The following PUM1 variants were observed in gnomAD, a reference collection of about 807,000 sequenced individuals.
PUM1 encodes pumilio homolog 1.
A neutral mutation model predicts 131.8 loss-of-function variants in PUM1; 13 were observed. The observed-to-expected ratio is 0.10, with a 90% CI of 0.06 to 0.16. PUM1 has a LOEUF of 0.16. Ranked by LOEUF, PUM1 falls within the 10% of genes least tolerant of loss-of-function variation. PUM1 has a pLI of 1.00. For synonymous variants in PUM1, 509 were observed against 556.5 expected, an observed-to-expected ratio of 0.91 and a Z score of 1.20; for missense variants, 961 against 1,512.4, an observed-to-expected ratio of 0.64 and a Z score of 6.05.
chr1:31,041,899 C>T (rs372978297), intron 2 of PUM1, among the ~76,000 whole-genome samples: 18 of 152,142 alleles, frequency 1.2e-4, no homozygotes, highest in African/African-American at 4.3e-4. Flanking sequence ...TAAAAATGTG[C>T]ATACAGTACT....
At chr1:30,942,653 C>G (rs1336195183) in intron 18 of PUM1, among the ~76,000 whole-genome samples, 1 of 152,148 alleles carries the variant, frequency 6.6e-6, no homozygotes, top group Non-Finnish European at 1.5e-5. Context: ...TTCTGCCCTT[C>G]CTAGCTTAGT....
intron 3 of PUM1, among the ~76,000 whole-genome samples, chr1:31,017,638 T>C (rs1247410408): frequency 6.6e-6 from 1 of 151,972 alleles, no homozygotes; most frequent in Non-Finnish European, 1.5e-5. Context: ...CAACCCTGAT[T>C]TAGAGTGAGT....
intron 2 of PUM1, among the ~76,000 whole-genome samples, chr1:31,030,653 G>A (rs1027577698): frequency 6.6e-6 from 1 of 151,960 alleles, no homozygotes; most frequent in Non-Finnish European, 1.5e-5. Context: ...CGAGGCTGCA[G>A]TCAGCAGAAA....
chr1:30,988,218 A>AT (rs1360662694), intron 7 of PUM1, among the ~76,000 whole-genome samples: 3 of 152,206 alleles, frequency 2.0e-5, no homozygotes, highest in Admixed American at 2.0e-4. Flanking sequence ...ATTCAGAGTG[A>AT]TTAACAGTGA....
chr1:30,955,374 G>A (rs1415465096), intron 14 of PUM1, among the ~76,000 whole-genome samples: 1 of 150,782 alleles, frequency 6.6e-6, no homozygotes, highest in African/African-American at 2.4e-5. Flanking sequence ...GGCTGAGGCA[G>A]GAGAATGGCG....
In PUM1 at chr1:31,033,376, CTTTTTTTT is replaced by C. The variant is rs748444500; in HGVS notation, c.364-4520_364-4513del. Among the ~76,000 whole-genome samples the C allele has an allele frequency of 8.8e-5, 9 of 102,556 alleles. No homozygotes were observed. In the South Asian group the frequency reaches 1.2e-3, roughly 14 times the overall value. The allele number at this position is 102,556 out of a possible 152,430, so 67.3% of individuals were successfully genotyped here. A position where few individuals can be genotyped will look rare whatever the true frequency, so the allele number is the denominator to read the frequency against. On this transcript the variant is annotated intron_variant, in intron 2 of 21. Transcript: ENST00000426105. ...TGTGCCACCACATCCAGCTAATTTT[CTTTTTTTT>C]TTTTTTTTTTTTTTTTTTTGAGACG...
chr1:30,994,393 A>C (rs995023189), intron 6 of PUM1, among the ~76,000 whole-genome samples: 1 of 152,228 alleles, frequency 6.6e-6, no homozygotes, highest in African/African-American at 2.4e-5. Context: ...TAGATTTTTC[A>C]AGAATATGTG....
At chr1:31,006,161 G>T in intron 4 of PUM1, 130 bp from the exon 5 acceptor site, 4 of 613,906 alleles carry the variant, frequency 6.5e-6, no homozygotes, top group Non-Finnish European at 1.1e-5. Context: ...CTCCTATCAT[G>T]TCCCTCACTG....
chr1:30,995,105 G>A lies in PUM1; in HGVS notation c.836C>T (p.Thr279Ile). The change falls in exon 6 of 22, where the codon ACC (threonine) becomes ATC (isoleucine). Residue 279 changes from threonine (T) to isoleucine (I), a missense_variant. Physicochemically the swap from Thr to Ile is moderately conservative, Grantham distance 89. Transcript: ENST00000426105. The stretch of plus-strand genomic sequence containing the variant: ...CCCATTCTGCACTGGTAAACCATTG[G>A]TCTTGTCCATCACATCACCCTCCTC... ...LKEEGDVMDKTNGLPVQNGID... is the reference protein window; with the variant it reads ...LKEEGDVMDKINGLPVQNGID... 6.2e-7 allele frequency: 1 copy of A among 1,614,100 alleles called. No homozygotes were observed. Among genetic ancestry groups the A allele is most frequent in the Non-Finnish European group, 8.5e-7 (1 of 1,180,004 alleles).
chr1:30,971,265 A>G (rs552793258), intron 10 of PUM1, among the ~76,000 whole-genome samples: 2 of 152,348 alleles, frequency 1.3e-5, no homozygotes, highest in African/African-American at 4.8e-5. Flanking sequence ...GTTTAAAAAG[A>G]ACCTCTCATT....
intron 3 of PUM1, among the ~76,000 whole-genome samples, chr1:31,028,217 A>C (rs1643293308): frequency 6.6e-6 from 1 of 152,242 alleles, no homozygotes; most frequent in South Asian, 2.1e-4. Context: ...ATTACAGTCA[A>C]AGCAAAATTC....
At chr1:30,956,551 A>C (rs1295739310) in intron 14 of PUM1, among the ~76,000 whole-genome samples, 2 of 152,212 alleles carry the variant, frequency 1.3e-5, no homozygotes, top group African/African-American at 4.8e-5. Context: ...GGCATGAGCC[A>C]CGGCGCCCGG....
At chr1:30,984,292 G>GC (rs1271565516) in intron 7 of PUM1, among the ~76,000 whole-genome samples, 10 of 152,158 alleles carry the variant, frequency 6.6e-5, no homozygotes, top group African/African-American at 2.4e-4. Context: ...TGTAAATGGT[G>GC]CAATATTAAC....
intron 10 of PUM1, among the ~76,000 whole-genome samples, chr1:30,971,377 GC>G (rs1640866366): frequency 6.6e-6 from 1 of 152,186 alleles, no homozygotes; most frequent in Admixed American, 6.5e-5. Flanking sequence ...AACAATGGCT[GC>G]TAATTAAAAA....
At position 31,059,187 on chromosome 1, in the gene PUM1, A is replaced by C; in HGVS notation, c.363+17T>G. ...TATAAAGGAATGTCAAAGCTAAAAT[A>C]GTGAACTTTTTTTTACCTGATGTTC... On this transcript the variant is annotated intron_variant, in intron 2 of 21. Coordinates refer to ENST00000426105, the MANE Select transcript of PUM1 (RefSeq NM_001020658.2). 1.3e-6 allele frequency: 2 copies of C among 1,541,570 alleles called. No individual in the cohort carries two copies. Among genetic ancestry groups the C allele is most frequent in the Non-Finnish European group, 1.7e-6 (2 of 1,143,766 alleles).
intron 2 of PUM1, among the ~76,000 whole-genome samples, chr1:31,040,696 A>C (rs536527704): frequency 1.7e-3 from 252 of 152,278 alleles, no homozygotes; most frequent in Non-Finnish European, 2.7e-3. Context: ...GCTTGAGGCC[A>C]GGAGTTCAAG....
intron 2 of PUM1, chr1:31,055,439 T>C: frequency 4.4e-6 from 2 of 456,062 alleles, no homozygotes; most frequent in East Asian, 1.4e-4. Flanking sequence ...GTCCAGAAGG[T>C]GAGAACAACA....
At chr1:31,016,422 T>G (rs1203004814) in intron 3 of PUM1, among the ~76,000 whole-genome samples, 2 of 152,192 alleles carry the variant, frequency 1.3e-5, no homozygotes, top group African/African-American at 4.8e-5. Context: ...TTTTTAAGTT[T>G]TCACCTTCTC....
intron 10 of PUM1, among the ~76,000 whole-genome samples, chr1:30,970,992 C>A (rs548010722): frequency 3.9e-5 from 6 of 152,268 alleles, no homozygotes; most frequent in Non-Finnish European, 7.4e-5. Flanking sequence ...TTTGTCCACT[C>A]TCTAGAAATC....
Sources: gnomAD v4.1 joint callset for allele counts (sites outside exome capture counted in the v4.1 genomes callset) on GRCh38, gnomAD v4.1.1 for gene constraint, MANE v1.5 for transcripts, NCBI Gene and HGNC (gene_info 2026-07-23, HGNC 2026-07-21) for gene names.